OTUD7A: variants seen among roughly 807,000 people sequenced by gnomAD.
OTUD7A encodes the protein OTU deubiquitinase 7A.
OTUD7A carries 12 observed loss-of-function variants against 65.7 expected under a neutral mutation model. The observed-to-expected ratio is 0.18, with a 90% CI of 0.12 to 0.30. OTUD7A has a LOEUF of 0.30. OTUD7A is among the 10% of genes least tolerant of loss of function. The pLI is 1.00. For missense variants in OTUD7A, 1,148 were observed against 1,304.8 expected (o/e 0.88, Z 1.85); for synonymous variants, 641 against 586.3 (o/e 1.09, Z -1.35).
intron 1 of OTUD7A, among the ~76,000 whole-genome samples, chr15:31,782,685 TG>T (rs1288755536): frequency 2.0e-5 from 3 of 152,150 alleles, no homozygotes; most frequent in Non-Finnish European, 4.4e-5. Flanking sequence ...GAAAGTAATT[TG>T]GTGAATAACT....
chr15:31,804,283 C>T (rs1896210886), intron 1 of OTUD7A, among the ~76,000 whole-genome samples: 1 of 152,144 alleles, frequency 6.6e-6, no homozygotes. Context: ...CAACGTATGT[C>T]CAGGAAAGCT....
intron 3 of OTUD7A, among the ~76,000 whole-genome samples, chr15:31,644,043 C>A (rs1891593474): frequency 6.6e-6 from 1 of 152,046 alleles, no homozygotes; most frequent in Admixed American, 6.6e-5. Flanking sequence ...TCCACCTCCC[C>A]CTTTGAAGCA....
intron 1 of OTUD7A, among the ~76,000 whole-genome samples, chr15:31,704,392 G>C: frequency 1.1e-5 from 1 of 87,738 alleles, no homozygotes; most frequent in Non-Finnish European, 2.4e-5. Flanking sequence ...TGAACATTTT[G>C]AGGCACTTTT....
chr15:31,566,511 T>TGACA (rs1425365305), intron 4 of OTUD7A, among the ~76,000 whole-genome samples: 6 of 152,054 alleles, frequency 3.9e-5, no homozygotes, highest in Non-Finnish European at 5.9e-5. Context: ...AAGAAGCAAA[T>TGACA]GACAAGATGA....
At chr15:31,787,348 T>C (rs1895701133) in intron 1 of OTUD7A, 1 of 152,218 alleles carries the variant, frequency 6.6e-6, no homozygotes, top group Non-Finnish European at 1.5e-5. Flanking sequence ...ATACGAATTA[T>C]AAATTTTCCA....
intron 1 of OTUD7A, among the ~76,000 whole-genome samples, chr15:31,724,319 T>C (rs1436928772): frequency 4.6e-5 from 7 of 152,242 alleles, no homozygotes; most frequent in Admixed American, 3.9e-4. Flanking sequence ...GTAAAATAAA[T>C]ACTATTCTCT....
At chr15:31,689,331 A>T (rs997207115) in intron 1 of OTUD7A, 1 of 150,450 alleles carries the variant, frequency 6.6e-6, no homozygotes, top group African/African-American at 2.5e-5. Context: ...TTGGCCTGCC[A>T]CTAAGACCCC....
chr15:31,610,617 A>ATATTTTTTTTTTTTTTTTTTTT, intron 3 of OTUD7A, among the ~76,000 whole-genome samples: 1 of 30,562 alleles, frequency 3.3e-5, no homozygotes, highest in Non-Finnish European at 4.9e-5. Flanking sequence ...ATATATATAT[A>ATATTTTTTTTTTTTTTTTTTTT]TTTTTTTTTT....
chr15:31,623,446 A>G (rs1464872260), intron 3 of OTUD7A, among the ~76,000 whole-genome samples: 1 of 151,996 alleles, frequency 6.6e-6, no homozygotes, highest in African/African-American at 2.4e-5. Context: ...TTGTTTACCT[A>G]CTCAAGCCTG....
intron 1 of OTUD7A, among the ~76,000 whole-genome samples, chr15:31,867,547 C>CA: frequency 6.6e-6 from 1 of 152,168 alleles, no homozygotes; most frequent in Non-Finnish European, 1.5e-5. Flanking sequence ...CACAGGGTCC[C>CA]AGGGCCTAAG....
intron 6 of OTUD7A, among the ~76,000 whole-genome samples, chr15:31,528,865 G>A (rs1180173401): frequency 6.6e-6 from 1 of 152,246 alleles, no homozygotes; most frequent in Non-Finnish European, 1.5e-5. Context: ...TTAGCTATAT[G>A]GGCACAAAAT....
chr15:31,671,412 A>T (rs956196407), intron 1 of OTUD7A, among the ~76,000 whole-genome samples: 6 of 152,022 alleles, frequency 3.9e-5, no homozygotes, highest in African/African-American at 1.5e-4. Flanking sequence ...ATTCTGTTCC[A>T]TTGGTCTATG....
chr15:31,751,965 T>C (rs969778176), intron 1 of OTUD7A, among the ~76,000 whole-genome samples: 2 of 152,162 alleles, frequency 1.3e-5, no homozygotes, highest in African/African-American at 4.8e-5. Flanking sequence ...ATGTACATGA[T>C]GGGATCAACA....
rs1327774368 is a variant in OTUD7A, at chr15:31,729,176, A to G, written c.-99-72099T>C. ...GTATGCAGAAAAAAAGTTAGTATATATAGGGTTTGGTACTAGCTGCAGTTT... is the reference window on the plus strand; with the variant it reads ...GTATGCAGAAAAAAAGTTAGTATATGTAGGGTTTGGTACTAGCTGCAGTTT... On this transcript the variant is annotated intron_variant, in intron 1 of 12. Transcript: ENST00000307050. Among the ~76,000 whole-genome samples the G allele has an allele frequency of 2.6e-5, 4 of 152,214 alleles. No individual in the cohort carries two copies. In the East Asian group the frequency reaches 7.7e-4, roughly 29 times the overall value.
intron 8 of OTUD7A, among the ~76,000 whole-genome samples, chr15:31,515,463 A>T (rs991208418): frequency 1.3e-5 from 2 of 152,096 alleles, no homozygotes; most frequent in African/African-American, 4.8e-5. Flanking sequence ...AAAACCAATA[A>T]ATATTCATTG....
chr15:31,763,594 GT>G (rs1243540945), intron 1 of OTUD7A, among the ~76,000 whole-genome samples: 31 of 152,248 alleles, frequency 2.0e-4, no homozygotes, highest in Admixed American at 1.8e-3. Flanking sequence ...CAAGAAAGGA[GT>G]AAGAGTCTGG....
rs1488563346 is a variant in OTUD7A at position 31,671,196 on chromosome 15, T to C, written c.-99-14119A>G. On this transcript the variant is annotated intron_variant, in intron 1 of 12. Transcript: ENST00000307050. ...CCTAGATTTTCTTCTAGGGTTTTTA[T>C]AGTTTTGGGTTTTACATTTAAATCT... Among the ~76,000 whole-genome samples the C allele has an allele frequency of 4.6e-5, 7 of 152,336 alleles. No homozygotes were observed. In the East Asian group the frequency reaches 9.6e-4, roughly 21 times the overall value.
chr15:31,501,647 C>A (rs372203768), intron 10 of OTUD7A, 43 bp downstream of exon 10: 2 of 1,612,972 alleles, frequency 1.2e-6, no homozygotes, highest in Admixed American at 1.7e-5. Context: ...GCTCTGCCCC[C>A]ACCCTAGGCT....
intron 1 of OTUD7A, among the ~76,000 whole-genome samples, chr15:31,752,083 T>C (rs968200294): frequency 6.6e-6 from 1 of 152,224 alleles, no homozygotes; most frequent in African/African-American, 2.4e-5. Context: ...GAATGTGGCA[T>C]ATTCATATAC....
Sources: gnomAD v4.1 joint callset for allele counts (sites outside exome capture counted in the v4.1 genomes callset) on GRCh38, gnomAD v4.1.1 for gene constraint, MANE v1.5 for transcripts, NCBI Gene and HGNC (gene_info 2026-07-23, HGNC 2026-07-21) for gene names.